Variants in ZNF202 observed in about 807,000 individuals in gnomAD.
The protein encoded by ZNF202 is zinc finger protein with KRAB and SCAN domains 10.
ZNF202 carries 22 observed loss-of-function variants against 54.5 expected under a neutral mutation model. That is an observed-to-expected ratio of 0.40 (90% confidence interval 0.29 to 0.58). The LOEUF is 0.58. Among genes scored for constraint, ZNF202 ranks in the 20% least tolerant of loss-of-function variants. ZNF202 has a pLI of 0.39. For synonymous variants in ZNF202, 294 were observed against 301.4 expected, an observed-to-expected ratio of 0.98 and a Z score of 0.26; for missense variants, 644 against 805.5, an observed-to-expected ratio of 0.80 and a Z score of 2.43.
chr11:123,740,303 C>T (rs1396363612), intron 2 of ZNF202, 111 bp from the exon 3 acceptor site: 1 of 152,276 alleles, frequency 6.6e-6, no homozygotes, highest in African/African-American at 2.4e-5. Context: ...CCTGTCCTCT[C>T]TCCAACCCTG....
intron 3 of ZNF202, among the ~76,000 whole-genome samples, chr11:123,737,831 T>C (rs949373039): frequency 2.6e-5 from 4 of 152,158 alleles, no homozygotes; most frequent in Non-Finnish European, 5.9e-5. Context: ...CGGCAGCTCA[T>C]GTTGAGTCTT....
intron 3 of ZNF202, among the ~76,000 whole-genome samples, chr11:123,734,102 A>C (rs1003567936): frequency 6.6e-6 from 1 of 151,306 alleles, no homozygotes. Context: ...TGAGAGAGAG[A>C]GACAGAGAGA....
rs1382417387 is a variant in ZNF202 at position 123,725,282 on chromosome 11, T to A, written c.*715A>T. On this transcript the variant is annotated 3_prime_UTR_variant, in exon 9 of 9. Transcript: ENST00000530393. Reference sequence around the variant, plus strand: ...ATATTAAAAACAAAACCAAAACTCGTATGGAAAGAGGCTTCTGACTAGGCC... The same window carrying A: ...ATATTAAAAACAAAACCAAAACTCGAATGGAAAGAGGCTTCTGACTAGGCC... 1 of 152,120 alleles carries A rather than the reference T, an allele frequency of 6.6e-6. No homozygotes were observed. The highest frequency in any genetic ancestry group is 1.9e-4 in the East Asian group (1 of 5,190). 9.4% of individuals were successfully genotyped at this position (152,120 alleles called of 1,614,324 possible). A position where few individuals can be genotyped will look rare whatever the true frequency, so the allele number is the denominator to read the frequency against.
chr11:123,727,706 G>A lies in ZNF202; in HGVS notation c.833-111C>T, dbSNP rs1861217163. On this transcript the variant is annotated intron_variant, in intron 7 of 8. Transcript: ENST00000530393. ...TGGGGCAAATACATAGCTAGCTCAG[G>A]TGATGAAATCTTTCATCTCTTTAGT... 1.3e-5 allele frequency: 18 copies of A among 1,391,912 alleles called. No individual in the cohort carries two copies. The South Asian group carries it at 2.3e-4, about 18-fold the overall frequency. The allele number at this position is 1,391,912 out of a possible 1,614,324, so 86.2% of individuals were successfully genotyped here. A position where few individuals can be genotyped will look rare whatever the true frequency, so the allele number is the denominator to read the frequency against.
chr11:123,737,097 A>T (rs1861662396), intron 3 of ZNF202, among the ~76,000 whole-genome samples: 1 of 152,156 alleles, frequency 6.6e-6, no homozygotes, highest in Non-Finnish European at 1.5e-5. Flanking sequence ...GGATTAAATG[A>T]AAGTGTTGGA....
intron 8 of ZNF202, 29 bp downstream of exon 8, chr11:123,727,447 T>G (rs751612845): frequency 6.2e-7 from 1 of 1,612,568 alleles, no homozygotes; most frequent in South Asian, 1.1e-5. Context: ...TGGCTCAGGG[T>G]GGGTAACACC....
Position 123,726,929 on chromosome 11 carries a change from G to C in ZNF202, c.1015C>G (p.His339Asp), listed in dbSNP as rs1253719223. Reference sequence around the variant, plus strand: ...TCTGGTTCTCCCAAAACAGGCCTGTGTATATCCTCCAAACTCAGATCTTCC... The same window carrying C: ...TCTGGTTCTCCCAAAACAGGCCTGTCTATATCCTCCAAACTCAGATCTTCC... Reference protein sequence around the residue: ...EQEDLSLEDIHRPVLGEPEIH... With the variant: ...EQEDLSLEDIDRPVLGEPEIH... Residue 339 changes from histidine (H) to aspartate (D), a missense_variant, in exon 9 of 9, where the codon CAC becomes GAC. Physicochemically the swap from His to Asp is moderately conservative, Grantham distance 81. Around this residue, in one of 3 missense-constraint regions of ZNF202, gnomAD observed 536 missense variants for 635.3 expected, o/e 0.84. Transcript: ENST00000530393. The surrounding 1 kb of genome is among the most constrained non-coding windows in gnomAD (Gnocchi z 6.0). The C allele has an allele frequency of 1.2e-6, 2 of 1,613,982 alleles. No homozygotes were observed. The highest frequency in any genetic ancestry group is 3.3e-5 in the Admixed American group (2 of 60,024).
chr11:123,737,087 G>C (rs117852647), intron 3 of ZNF202, among the ~76,000 whole-genome samples: 1 of 152,068 alleles, frequency 6.6e-6, no homozygotes, highest in East Asian at 1.9e-4. Flanking sequence ...TTATGAAGTA[G>C]GATTAAATGA....
chr11:123,726,959 C>T lies in ZNF202; in HGVS notation c.985G>A (p.Glu329Lys), dbSNP rs1861176425. The T allele has an allele frequency of 5.6e-6, 9 of 1,613,550 alleles. No individual in the cohort carries two copies. The highest frequency in any genetic ancestry group is 5.9e-6 in the Non-Finnish European group (7 of 1,179,928). The change falls in exon 9 of 9, where the codon GAG becomes AAG. Residue 329 changes from glutamate to lysine, a missense_variant. By Grantham distance (56) the Glu-to-Lys change is moderately conservative (BLOSUM62 1). This residue lies in a region of ZNF202 where 536 missense variants were observed against 635.3 expected (regional missense o/e 0.84). Coordinates refer to ENST00000530393, the MANE Select transcript of ZNF202 (RefSeq NM_003455.4). The surrounding 1 kb of genome is among the most constrained non-coding windows in gnomAD (Gnocchi z 6.0). ...DRSKDEEECL[E>K]QEDLSLEDIH... is the part of the protein sequence containing the mutation. ...TCCTCCAAACTCAGATCTTCCTGCTCCAGACACTCTTCCTCATCTTTACTC... is the reference window on the plus strand; with the variant it reads ...TCCTCCAAACTCAGATCTTCCTGCTTCAGACACTCTTCCTCATCTTTACTC...
At chr11:123,731,645 T>A (rs558708484) in intron 3 of ZNF202, among the ~76,000 whole-genome samples, 217 of 152,328 alleles carry the variant, frequency 1.4e-3, no homozygotes, top group Non-Finnish European at 2.2e-3. Flanking sequence ...AGGCAAGTTC[T>A]CATTCTCCTA....
intron 3 of ZNF202, among the ~76,000 whole-genome samples, chr11:123,732,667 G>A (rs867284141): frequency 6.6e-6 from 1 of 152,074 alleles, no homozygotes; most frequent in Non-Finnish European, 1.5e-5. Flanking sequence ...CATAGCCATC[G>A]CTCATCTTTC....
At chr11:123,732,362 CTTG>C (rs1861446648) in intron 3 of ZNF202, among the ~76,000 whole-genome samples, 1 of 152,202 alleles carries the variant, frequency 6.6e-6, no homozygotes, top group Non-Finnish European at 1.5e-5. Flanking sequence ...TGACGTTCAT[CTTG>C]TTATTCTCTT....
chr11:123,728,995 G>T, intron 6 of ZNF202, 131 bp downstream of exon 6: 1 of 808,842 alleles, frequency 1.2e-6, no homozygotes, highest in Non-Finnish European at 2.0e-6. Context: ...CCCCTTCCAG[G>T]TACCTGCAGA....
chr11:123,726,661 A>G lies in ZNF202; in HGVS notation c.1283T>C (p.Met428Thr). ...TCGTGTGTAACTTTTTCCACATTCC[A>G]TACATTTATAGGGTTTCTCTCCTGT... is the stretch of plus-strand genomic sequence containing the variant. ...THTGEKPYKC[M>T]ECGKSYTRSS... is the part of the protein sequence containing the mutation. Residue 428 changes from methionine (M) to threonine (T), a missense_variant, in exon 9 of 9, where the codon ATG becomes ACG. Met to Thr is a moderately conservative substitution (Grantham distance 81). Around this residue, in one of 3 missense-constraint regions of ZNF202, gnomAD observed 536 missense variants for 635.3 expected, o/e 0.84. Coordinates refer to ENST00000530393, the MANE Select transcript of ZNF202 (RefSeq NM_003455.4). This position sits in a 1 kb window ranked among gnomAD's most constrained non-coding sequence, Gnocchi z 6.0. The G allele has an allele frequency of 6.2e-7, 1 of 1,614,048 alleles. No homozygotes were observed. The highest frequency in any genetic ancestry group is 1.1e-5 in the South Asian group (1 of 91,074).
rs141196378 is a variant in ZNF202, at chr11:123,732,243, C to A, written c.-97-1258G>T. On this transcript the variant is annotated intron_variant, in intron 3 of 8. Transcript: ENST00000530393. Reference sequence around the variant, plus strand: ...CTTCACGTACCCACTATGATCAGAACGAGCTCTCTTGGCAAACGTGCTCAT... The same window carrying A: ...CTTCACGTACCCACTATGATCAGAAAGAGCTCTCTTGGCAAACGTGCTCAT... Among the ~76,000 whole-genome samples, 311 of 152,316 alleles carry A rather than the reference C, an allele frequency of 2.0e-3. 2 individuals are homozygous for A. Among genetic ancestry groups the A allele is most frequent in the African/African-American group, 5.7e-3 (236 of 41,566 alleles).
chr11:123,741,413 A>T (rs1333994327), intron 1 of ZNF202, 136 bp downstream of exon 1: 1 of 152,132 alleles, frequency 6.6e-6, no homozygotes, highest in African/African-American at 2.4e-5. Flanking sequence ...CTTCCCCAGG[A>T]CACGGCGATT....
intron 3 of ZNF202, chr11:123,738,667 T>C (rs1861733743): frequency 6.6e-6 from 1 of 152,222 alleles, no homozygotes; most frequent in Non-Finnish European, 1.5e-5. Context: ...CAATAACATA[T>C]ATAACAGAGC....
In ZNF202 at chr11:123,725,909, G is replaced by T; in HGVS notation, c.*88C>A. On this transcript the variant is annotated 3_prime_UTR_variant, in exon 9 of 9. Coordinates refer to ENST00000530393, the MANE Select transcript of ZNF202 (RefSeq NM_003455.4). ...AGGTCAGGGAGACTCCCTCGAAAAG[G>T]TCTTCCCAGGCTGACAAGAGGGCTT... The T allele has an allele frequency of 6.8e-7, 1 of 1,466,886 alleles. No individual in the cohort carries two copies. The highest frequency in any genetic ancestry group is 2.3e-5 in the East Asian group (1 of 43,770). 90.9% of individuals were successfully genotyped at this position (1,466,886 alleles called of 1,614,324 possible).
In ZNF202 at chr11:123,724,878, T is replaced by C. The variant is rs1006894725; in HGVS notation, c.*1119A>G. 9 of 152,264 alleles carry C rather than the reference T, an allele frequency of 5.9e-5. No homozygotes were observed. Among genetic ancestry groups the C allele is most frequent in the Admixed American group, 4.6e-4 (7 of 15,282 alleles). 9.4% of individuals were successfully genotyped at this position (152,264 alleles called of 1,614,324 possible). Reference sequence around the variant, plus strand: ...TCAGTCAGGGATGATGGGGACAGGGTGTCAGAACAGTCTTGATGGTCTTGC... The same window carrying C: ...TCAGTCAGGGATGATGGGGACAGGGCGTCAGAACAGTCTTGATGGTCTTGC... On this transcript the variant is annotated 3_prime_UTR_variant, in exon 9 of 9. Transcript: ENST00000530393.
Sources: allele counts gnomAD v4.1 joint callset (sites outside exome capture counted in the v4.1 genomes callset), GRCh38; gene constraint gnomAD v4.1.1; regional missense constraint gnomAD v4.1.1; non-coding constraint Gnocchi (gnomAD v3.1); transcripts MANE v1.5; gene names NCBI Gene and HGNC (gene_info 2026-07-23, HGNC 2026-07-21).